The following PPP1R21 variants were observed in gnomAD, a reference collection of about 807,000 sequenced individuals.
The protein encoded by PPP1R21 is KLRAQ motif containing 1.
In PPP1R21, 85 loss-of-function variants were observed where a neutral mutation model predicts 112.8. That is an observed-to-expected ratio of 0.75 (90% confidence interval 0.63 to 0.90). PPP1R21 has a LOEUF of 0.90. Ranked by LOEUF, PPP1R21 falls within the 40% of genes least tolerant of loss-of-function variation. The pLI, the probability that PPP1R21 is intolerant of heterozygous loss-of-function variation, is 0.00. For missense variants in PPP1R21, 1,199 were observed against 901.5 expected (o/e 1.33, Z -4.23); for synonymous variants, 381 against 322.3 (o/e 1.18, Z -1.95).
chr2:48,474,550 T>C, intron 11 of PPP1R21, 133 bp from the exon 12 acceptor site: 1 of 749,204 alleles, frequency 1.3e-6, no homozygotes, highest in Non-Finnish European at 2.2e-6. Flanking sequence ...AATGGAGCCA[T>C]GCAAATGAGA....
rs764810278 is a variant in PPP1R21 at position 48,514,717 on chromosome 2, G to C, written c.2316G>C (p.Gly772=). The C allele has an allele frequency of 6.2e-7, 1 of 1,604,308 alleles. No homozygotes were observed. The highest frequency in any genetic ancestry group is 1.7e-5 in the Admixed American group (1 of 59,938). ...EIDTLKMSSK[G]NSKKNKSR The stretch of plus-strand genomic sequence containing the variant: ...TGTTGATATTTTTCTTTGCACAGGG[G>C]AATTCTAAAAAGAACAAGAGTCGAT... Residue 772 remains glycine, a splice_region_variant and synonymous_variant, in exon 22 of 22, where the codon GGG becomes GGC. Transcript: ENST00000294952.
rs1201406476 is a variant in PPP1R21, at chr2:48,460,301, C to T, written c.599+148C>T. On this transcript the variant is annotated intron_variant, in intron 6 of 21. Transcript: ENST00000294952. Reference sequence around the variant, plus strand: ...ACAGGGTCCTTTTCAATTCTGGGATCTCCGGGGCCCTAAGCATTCTTGATA... The same window carrying T: ...ACAGGGTCCTTTTCAATTCTGGGATTTCCGGGGCCCTAAGCATTCTTGATA... 7 of 734,706 alleles carry T rather than the reference C, an allele frequency of 9.5e-6. No homozygotes were observed. The East Asian group carries it at 1.1e-4, about 11-fold the overall frequency. The allele number at this position is 734,706 out of a possible 1,614,324, so 45.5% of individuals were successfully genotyped here.
chr2:48,453,158 T>TGGCCA (rs952469587), intron 2 of PPP1R21, among the ~76,000 whole-genome samples: 3 of 152,302 alleles, frequency 2.0e-5, no homozygotes, highest in Admixed American at 1.3e-4. Context: ...TTTGTCATGT[T>TGGCCA]GGCCAGGCCA....
intron 12 of PPP1R21, among the ~76,000 whole-genome samples, chr2:48,477,196 G>C (rs1489900957): frequency 7.1e-6 from 1 of 140,650 alleles, no homozygotes; most frequent in Non-Finnish European, 1.5e-5. Context: ...CTCTCAGCTC[G>C]CTGCAAACTG....
chr2:48,499,805 T>C (rs911927139), intron 17 of PPP1R21, among the ~76,000 whole-genome samples: 3 of 152,362 alleles, frequency 2.0e-5, no homozygotes, highest in East Asian at 1.9e-4. Flanking sequence ...ATTGCTGTTA[T>C]AGAATTTAAA....
chr2:48,501,247 T>A (rs1241603762), intron 17 of PPP1R21, among the ~76,000 whole-genome samples: 1 of 152,232 alleles, frequency 6.6e-6, no homozygotes, highest in Non-Finnish European at 1.5e-5. Context: ...AGATTTTTCC[T>A]TCAGTGTCTG....
chr2:48,481,006 T>G (rs932061092), intron 13 of PPP1R21, among the ~76,000 whole-genome samples: 2 of 152,206 alleles, frequency 1.3e-5, no homozygotes, highest in African/African-American at 4.8e-5. Context: ...TAATTTTTTC[T>G]GAGGTTCAGT....
chr2:48,464,384 T>G (rs1558446143), intron 7 of PPP1R21, among the ~76,000 whole-genome samples: 1 of 151,914 alleles, frequency 6.6e-6, no homozygotes, highest in Non-Finnish European at 1.5e-5. Context: ...AGGAGGAGTT[T>G]GAGGAGGTAT....
chr2:48,479,786 A>G, intron 12 of PPP1R21, 138 bp from the exon 13 acceptor site: 1 of 661,424 alleles, frequency 1.5e-6, no homozygotes, highest in Admixed American at 2.3e-5. Flanking sequence ...GTCTGAATGT[A>G]TCTGCCACGA....
chr2:48,491,204 G>A (rs767812195), intron 15 of PPP1R21, 34 bp downstream of exon 15: 1 of 1,596,902 alleles, frequency 6.3e-7, no homozygotes, highest in Admixed American at 1.8e-5. Flanking sequence ...TAAATCAGAG[G>A]AAACATCAGG....
chr2:48,487,400 G>T (rs1416873045), intron 14 of PPP1R21, among the ~76,000 whole-genome samples: 1 of 152,102 alleles, frequency 6.6e-6, no homozygotes, highest in Non-Finnish European at 1.5e-5. Context: ...TTAATAGTAG[G>T]TCATGATCGT....
At chr2:48,498,995 C>T (rs376768999) in intron 17 of PPP1R21, among the ~76,000 whole-genome samples, 1 of 152,190 alleles carries the variant, frequency 6.6e-6, no homozygotes, top group East Asian at 1.9e-4. Context: ...ATGGTGTTCT[C>T]ACATGGCAGA....
intron 2 of PPP1R21, among the ~76,000 whole-genome samples, chr2:48,451,608 T>C (rs1667470828): frequency 6.6e-6 from 1 of 152,212 alleles, no homozygotes; most frequent in Admixed American, 6.5e-5. Context: ...AGGGGAGAAA[T>C]ATGATAGATG....
At chr2:48,490,007 C>T (rs995181747) in intron 14 of PPP1R21, among the ~76,000 whole-genome samples, 3 of 151,696 alleles carry the variant, frequency 2.0e-5, no homozygotes, top group African/African-American at 4.8e-5. Flanking sequence ...ATCGTGCCAC[C>T]GCCCTCCAGC....
In PPP1R21 at chr2:48,454,679, A is replaced by T; in HGVS notation, c.211A>T (p.Lys71Ter). 6.2e-7 allele frequency: 1 copy of T among 1,614,178 alleles called. No individual in the cohort carries two copies. The highest frequency in any genetic ancestry group is 8.5e-7 in the Non-Finnish European group (1 of 1,180,008). ...GACATTTCGAAATCTGCAGCTTGCC[A>T]AGAGGGTAGAACTACTTCAAGATGA... ...SLTFRNLQLAKRVELLQDELA... is the reference protein window; with the variant it reads ...SLTFRNLQLA Residue 71 changes from lysine (K) to a stop codon, truncating the protein, a stop_gained, in exon 3 of 22, where the codon AAG becomes TAG. Transcript: ENST00000294952. LOFTEE classifies it high-confidence loss of function.
Position 48,455,733 on chromosome 2 carries a change from G to A in PPP1R21, c.273+992G>A, listed in dbSNP as rs543360898. Among the ~76,000 whole-genome samples the A allele has an allele frequency of 5.3e-4, 80 of 152,140 alleles. 1 individual carries two copies. Among genetic ancestry groups the A allele is most frequent in the Non-Finnish European group, 6.2e-4 (42 of 67,996 alleles). On this transcript the variant is annotated intron_variant, in intron 3 of 21. Coordinates refer to ENST00000294952, the MANE Select transcript of PPP1R21 (RefSeq NM_001135629.3). ...GCGTTACTACTCATATGAAAGTAGCGGCCGGGCGCGGTGGCTCACGCCTGT... is the reference window on the plus strand; with the variant it reads ...GCGTTACTACTCATATGAAAGTAGCAGCCGGGCGCGGTGGCTCACGCCTGT...
chr2:48,510,136 GGTTT>G (rs1425937027), intron 20 of PPP1R21, 23 bp downstream of exon 20: 6 of 1,560,302 alleles, frequency 3.8e-6, no homozygotes, highest in Non-Finnish European at 5.3e-6. Context: ...TTACCTGAAT[GGTTT>G]TAATGTTTTT....
intron 19 of PPP1R21, among the ~76,000 whole-genome samples, chr2:48,509,014 A>G (rs895825114): frequency 6.6e-6 from 1 of 152,164 alleles, no homozygotes; most frequent in African/African-American, 2.4e-5. Flanking sequence ...ATGTGTTTCA[A>G]CAGATTCTCC....
At chr2:48,485,655 A>G (rs1041845566) in intron 13 of PPP1R21, among the ~76,000 whole-genome samples, 1 of 151,712 alleles carries the variant, frequency 6.6e-6, no homozygotes, top group Non-Finnish European at 1.5e-5. Flanking sequence ...TTCATGGACC[A>G]TAGTAATTTT....
Sources: allele counts gnomAD v4.1 joint callset (sites outside exome capture counted in the v4.1 genomes callset), GRCh38; gene constraint gnomAD v4.1.1; transcripts MANE v1.5; gene names NCBI Gene and HGNC (gene_info 2026-07-23, HGNC 2026-07-21).